Variants in SMIM17 observed in about 807,000 individuals in gnomAD.
SMIM17 encodes small integral membrane protein 17.
In SMIM17, 10 loss-of-function variants were observed where a neutral mutation model predicts 12.2. The ratio of observed to expected loss-of-function variants is 0.82; its 90% CI spans 0.50 to 1.39. The LOEUF is 1.39. Among genes scored for constraint, SMIM17 ranks in the 40% most tolerant of loss-of-function variants. The pLI is 0.00. For synonymous variants in SMIM17, 50 were observed against 44.1 expected (o/e 1.13, Z -0.53); for missense variants, 136 against 118.2 (o/e 1.15, Z -0.70).
chr19:56,650,794 A>G (rs1311452061), intron 3 of SMIM17, among the ~76,000 whole-genome samples: 1 of 152,206 alleles, frequency 6.6e-6, no homozygotes, highest in East Asian at 1.9e-4. Flanking sequence ...TGATGTGGGG[A>G]CAGGGTAGAG....
intron 3 of SMIM17, among the ~76,000 whole-genome samples, chr19:56,649,319 T>C (rs2045091576): frequency 1.3e-5 from 2 of 152,200 alleles, no homozygotes; most frequent in South Asian, 2.1e-4. Context: ...TGCACGTCTA[T>C]TTCTTGAGCA....
At chr19:56,653,244 C>A (rs1165203380) in intron 3 of SMIM17, among the ~76,000 whole-genome samples, 1 of 152,162 alleles carries the variant, frequency 6.6e-6, no homozygotes, top group East Asian at 1.9e-4. Context: ...ATTAGTTTTG[C>A]TTGTTGTTGA....
At position 56,645,950 on chromosome 19, in the gene SMIM17, G is replaced by A. The variant is rs945308234; in HGVS notation, c.169+114G>A. The A allele has an allele frequency of 1.2e-5, 14 of 1,178,568 alleles. No individual in the cohort carries two copies. The South Asian group carries it at 2.2e-4, about 19-fold the overall frequency. 73.0% of individuals were successfully genotyped at this position (1,178,568 alleles called of 1,614,324 possible). On this transcript the variant is annotated intron_variant, in intron 2 of 3. Coordinates refer to ENST00000598409, the MANE Select transcript of SMIM17 (RefSeq NM_001193628.2). ...CTCATCCATTCAACAGCTATTCATG[G>A]AGCACTGTGTCAGTCAGCTTTTGCT...
At position 56,655,219 on chromosome 19, in the gene SMIM17, A is replaced by C; in HGVS notation, c.*6A>C. 1 of 700,650 alleles carries C rather than the reference A, an allele frequency of 1.4e-6. No homozygotes were observed. The highest frequency in any genetic ancestry group is 2.6e-6 in the Non-Finnish European group (1 of 383,730). The allele number at this position is 700,650 out of a possible 1,614,324, so 43.4% of individuals were successfully genotyped here. On this transcript the variant is annotated 3_prime_UTR_variant, in exon 4 of 4. Coordinates refer to ENST00000598409, the MANE Select transcript of SMIM17 (RefSeq NM_001193628.2). ...CTATGATGTTTCACATTTAACTATA[A>C]TGGTGGCTGTTGTTTTAAAAGTTTA...
In SMIM17 at chr19:56,647,642, G is replaced by A. The variant is rs1173737578; in HGVS notation, c.246+8G>A. ...GAATCAGAGGGCTCCCAGGTACACT[G>A]GGGGGTTTGTTCTTTTTCCACAAAT... On this transcript the variant is annotated splice_region_variant and intron_variant, in intron 3 of 3. Transcript: ENST00000598409. 6.5e-7 allele frequency: 1 copy of A among 1,533,606 alleles called. No individual in the cohort carries two copies. The highest frequency in any genetic ancestry group is 1.4e-5 in the African/African-American group (1 of 72,896). 95.0% of individuals were successfully genotyped at this position (1,533,606 alleles called of 1,614,324 possible).
chr19:56,652,673 G>A (rs199752812), intron 3 of SMIM17, among the ~76,000 whole-genome samples: 36 of 89,652 alleles, frequency 4.0e-4, no homozygotes, highest in African/African-American at 9.3e-4. Context: ...AAAAAAAAAA[G>A]AGAGAGAGAG....
chr19:56,654,175 T>G (rs975043573), intron 3 of SMIM17, among the ~76,000 whole-genome samples: 4 of 152,196 alleles, frequency 2.6e-5, no homozygotes, highest in African/African-American at 9.6e-5. Flanking sequence ...GCTTACAGTG[T>G]CATTGGAGGA....
Position 56,655,879 on chromosome 19 carries a change from A to G in SMIM17, c.*666A>G, listed in dbSNP as rs1380289850. On this transcript the variant is annotated 3_prime_UTR_variant, in exon 4 of 4. Coordinates refer to ENST00000598409, the MANE Select transcript of SMIM17 (RefSeq NM_001193628.2). ...CAGCTAATTCTTGGGCAGCTTTCTT[A>G]GTTCTTTACAATGTTATCAGTTTAT... 6.6e-6 allele frequency: 1 copy of G among 151,792 alleles called. No homozygotes were observed. The highest frequency in any genetic ancestry group is 6.6e-5 in the Admixed American group (1 of 15,226). The allele number at this position is 151,792 out of a possible 1,614,324, so 9.4% of individuals were successfully genotyped here. A position where few individuals can be genotyped will look rare whatever the true frequency, so the allele number is the denominator to read the frequency against.
intron 3 of SMIM17, among the ~76,000 whole-genome samples, chr19:56,648,006 T>C (rs28566712): frequency 6.6e-6 from 1 of 150,754 alleles, no homozygotes; most frequent in African/African-American, 2.4e-5. Flanking sequence ...CTGTCCACTC[T>C]TTCATCCACC....
At chr19:56,647,798 C>T (rs2045076065) in intron 3 of SMIM17, among the ~76,000 whole-genome samples, 164 bp downstream of exon 3, 1 of 152,060 alleles carries the variant, frequency 6.6e-6, no homozygotes, top group Non-Finnish European at 1.5e-5. Flanking sequence ...TGGAGGGTCT[C>T]CATGTGGTGT....
chr19:56,654,608 T>C (rs556060960), intron 3 of SMIM17, among the ~76,000 whole-genome samples: 36 of 152,204 alleles, frequency 2.4e-4, no homozygotes, highest in African/African-American at 7.5e-4. Context: ...GATACAACAA[T>C]TGGAGGTCTG....
chr19:56,645,013 T>C (rs1262414164), intron 1 of SMIM17, among the ~76,000 whole-genome samples: 1 of 152,206 alleles, frequency 6.6e-6, no homozygotes, highest in Non-Finnish European at 1.5e-5. Context: ...GCCTGGCTGA[T>C]TTATTTATTA....
Position 56,651,756 on chromosome 19 carries a change from G to A in SMIM17, c.247-3347G>A, listed in dbSNP as rs145892608. 8.3e-3 allele frequency among the ~76,000 whole-genome samples: 1,265 copies of A among 152,076 alleles called. 22 individuals are homozygous for A. Among genetic ancestry groups the A allele is most frequent in the African/African-American group, 0.028 (1,149 of 41,500 alleles). On this transcript the variant is annotated intron_variant, in intron 3 of 3. Transcript: ENST00000598409. ...TGTTCACCTTCTGAAGGTGCCTCAG[G>A]CTGTACACCTAGGATGTGTGCAACC... is the stretch of plus-strand genomic sequence containing the variant.
rs2045122764 is a variant in SMIM17 at position 56,653,175 on chromosome 19, G to T, written c.247-1928G>T. Among the ~76,000 whole-genome samples, 4 of 152,156 alleles carry T rather than the reference G, an allele frequency of 2.6e-5. No individual in the cohort carries two copies. The South Asian group carries it at 8.3e-4, about 32-fold the overall frequency. ...AGAACATTCTCTTATTTTCCCTTCT[G>T]GTCCATCTCACTCCCCAGCCCTGGA... On this transcript the variant is annotated intron_variant, in intron 3 of 3. Coordinates refer to ENST00000598409, the MANE Select transcript of SMIM17 (RefSeq NM_001193628.2).
In SMIM17 at chr19:56,643,199, C is replaced by A. The variant is rs149414166; in HGVS notation, c.-112C>A. ...AGCTCTGCAGAGCCCAGACAGGGTC[C>A]GGTTGGGGAGGGTGAGTCCTTCGAG... On this transcript the variant is annotated 5_prime_UTR_variant, in exon 1 of 4. Transcript: ENST00000598409. 877 of 152,658 alleles carry A rather than the reference C, an allele frequency of 5.7e-3. 8 individuals are homozygous for A. The highest frequency in any genetic ancestry group is 0.01 in the South Asian group (49 of 4,838). 9.5% of individuals were successfully genotyped at this position (152,658 alleles called of 1,614,324 possible). A position where few individuals can be genotyped will look rare whatever the true frequency, so the allele number is the denominator to read the frequency against.
At chr19:56,646,629 T>C (rs966854211) in intron 2 of SMIM17, among the ~76,000 whole-genome samples, 4 of 152,120 alleles carry the variant, frequency 2.6e-5, no homozygotes, top group Non-Finnish European at 4.4e-5. Flanking sequence ...ATTGTAGGGC[T>C]AGGAAGTCAA....
rs2148047180 is a variant in SMIM17, at chr19:56,656,923, A to G, written c.*1710A>G. 6.6e-6 allele frequency among the ~76,000 whole-genome samples: 1 copy of G among 152,350 alleles called. No homozygotes were observed. Among genetic ancestry groups the G allele is most frequent in the East Asian group, 1.9e-4 (1 of 5,182 alleles). On this transcript the variant is annotated 3_prime_UTR_variant, in exon 4 of 4. Coordinates refer to ENST00000598409, the MANE Select transcript of SMIM17 (RefSeq NM_001193628.2). ...TTTCACGAACATTTAAGATGAAGAT[A>G]TCTTCTCTGTCTGTAGAACTGAAAA... is the stretch of plus-strand genomic sequence containing the variant.
At position 56,645,703 on chromosome 19, in the gene SMIM17, G is replaced by A; in HGVS notation, c.36G>A (p.Leu12=). The change falls in exon 2 of 4, where the codon CTG becomes CTA. Residue 12 remains leucine, a synonymous_variant. Coordinates refer to ENST00000598409, the MANE Select transcript of SMIM17 (RefSeq NM_001193628.2). ...TCAGGCCTGAGCAGACACGGGGGCT[G>A]CTGGAGCCTGAGAGGACCAAGACTC... ...QSLRPEQTRG[L]LEPERTKTLL... is the part of the protein sequence containing the mutation. 1 of 1,535,138 alleles carries A rather than the reference G, an allele frequency of 6.5e-7. No homozygotes were observed.
intron 3 of SMIM17, among the ~76,000 whole-genome samples, chr19:56,649,350 G>C (rs1279665383): frequency 1.3e-5 from 2 of 152,198 alleles, no homozygotes; most frequent in Non-Finnish European, 2.9e-5. Context: ...GCCAAGCAGT[G>C]TTCAATGCAC....
Sources: allele counts gnomAD v4.1 joint callset (sites outside exome capture counted in the v4.1 genomes callset), GRCh38; gene constraint gnomAD v4.1.1; transcripts MANE v1.5; gene names NCBI Gene and HGNC (gene_info 2026-07-23, HGNC 2026-07-21).